PRKCE: variants seen among roughly 807,000 people sequenced by gnomAD.
The protein encoded by PRKCE is protein kinase C epsilon, also known as protein kinase C epsilon type.
In PRKCE, 16 loss-of-function variants were observed where a neutral mutation model predicts 85.4. The observed-to-expected ratio is 0.19, with a 90% CI of 0.13 to 0.28. PRKCE has a LOEUF of 0.28. PRKCE is among the 10% of genes least tolerant of loss of function. The pLI is 1.00. For missense variants in PRKCE, 573 were observed against 975.2 expected, an observed-to-expected ratio of 0.59 and a Z score of 5.49; for synonymous variants, 388 against 371.5, an observed-to-expected ratio of 1.04 and a Z score of -0.51.
intron 1 of PRKCE, among the ~76,000 whole-genome samples, chr2:45,804,532 G>A (rs1380087051): frequency 2.6e-5 from 4 of 152,200 alleles, no homozygotes; most frequent in Admixed American, 6.5e-5. Context: ...AGGTGCTGAA[G>A]TATGTGGGTA....
At chr2:45,762,866 C>A (rs1684619410) in intron 1 of PRKCE, among the ~76,000 whole-genome samples, 1 of 152,098 alleles carries the variant, frequency 6.6e-6, no homozygotes, top group Non-Finnish European at 1.5e-5. Context: ...CTGTAACAGG[C>A]AGAGTGGTCA....
chr2:45,686,422 A>G (rs1677303878), intron 1 of PRKCE: 1 of 152,242 alleles, frequency 6.6e-6, no homozygotes, highest in Non-Finnish European at 1.5e-5. Context: ...GCACTTGGAC[A>G]AAAGAGAAAA....
intron 6 of PRKCE, among the ~76,000 whole-genome samples, chr2:46,000,466 AAAAC>A (rs1053028033): frequency 1.3e-5 from 2 of 151,910 alleles, no homozygotes; most frequent in African/African-American, 4.8e-5. Flanking sequence ...ATAAAAAAAA[AAAAC>A]AACCCTCAAC....
At chr2:45,653,370 G>GTTTTTTTTTTTTTTTTTTTTTTTTT (rs34888247) in intron 1 of PRKCE, among the ~76,000 whole-genome samples, 5 of 61,482 alleles carry the variant, frequency 8.1e-5, no homozygotes, top group Non-Finnish European at 8.9e-5. Flanking sequence ...TTTTTGGGTT[G>GTTTTTTTTTTTTTTTTTTTTTTTTT]TTTTTTTTTT....
chr2:45,972,658 T>C (rs1395799382), intron 2 of PRKCE, among the ~76,000 whole-genome samples: 1 of 152,210 alleles, frequency 6.6e-6, no homozygotes, highest in Non-Finnish European at 1.5e-5. Flanking sequence ...AAGGTAAGGA[T>C]CCAGTTTCAT....
At position 46,055,732 on chromosome 2, in the gene PRKCE, C is replaced by T. The variant is rs561629634; in HGVS notation, c.1438-30476C>T. The stretch of plus-strand genomic sequence containing the variant: ...GGCTGGAATGCAGTGGCAAGATCAC[C>T]GCTCACTGTAGCCTCAACCACCTGG... On this transcript the variant is annotated intron_variant, in intron 10 of 14. Transcript: ENST00000306156. 2.2e-4 allele frequency among the ~76,000 whole-genome samples: 34 copies of T among 152,186 alleles called. 1 individual carries two copies. The highest frequency in any genetic ancestry group is 6.2e-4 in the South Asian group (3 of 4,818).
chr2:45,972,875 G>C (rs1361827562), intron 2 of PRKCE, among the ~76,000 whole-genome samples: 1 of 152,080 alleles, frequency 6.6e-6, no homozygotes, highest in Non-Finnish European at 1.5e-5. Context: ...AATTCTCAAA[G>C]GCATTTTTCA....
chr2:46,171,628 G>A (rs1048791420), intron 14 of PRKCE, among the ~76,000 whole-genome samples: 4 of 152,184 alleles, frequency 2.6e-5, no homozygotes, highest in Admixed American at 1.3e-4. Flanking sequence ...TAATGCCTCC[G>A]AGCCCATTTC....
chr2:45,964,825 T>C (rs1701625124), intron 2 of PRKCE, among the ~76,000 whole-genome samples: 1 of 152,222 alleles, frequency 6.6e-6, no homozygotes, highest in African/African-American at 2.4e-5. Flanking sequence ...CAGTTTACTC[T>C]AATGCTGCTG....
chr2:45,705,929 G>A (rs1455052122), intron 1 of PRKCE, among the ~76,000 whole-genome samples: 1 of 152,168 alleles, frequency 6.6e-6, no homozygotes, highest in East Asian at 1.9e-4. Context: ...GTGGAGTGGG[G>A]CCTTTTGTCA....
chr2:45,807,314 T>C (rs1194263996), intron 1 of PRKCE, among the ~76,000 whole-genome samples: 1 of 152,212 alleles, frequency 6.6e-6, no homozygotes, highest in Non-Finnish European at 1.5e-5. Flanking sequence ...CTTCTCACAC[T>C]TGGCATTTTT....
At chr2:45,848,704 A>C (rs1691997975) in intron 2 of PRKCE, among the ~76,000 whole-genome samples, 2 of 116,112 alleles carry the variant, frequency 1.7e-5, no homozygotes, top group African/African-American at 6.8e-5. Flanking sequence ...GGGAGATGGC[A>C]TTCACAAGAA....
chr2:45,844,364 C>G (rs1691606998), intron 2 of PRKCE, among the ~76,000 whole-genome samples: 2 of 152,200 alleles, frequency 1.3e-5, no homozygotes, highest in Non-Finnish European at 2.9e-5. Context: ...AACTTCCCTT[C>G]TCTGCTCTCA....
chr2:46,089,696 G>A (rs957610887), intron 11 of PRKCE, among the ~76,000 whole-genome samples: 12 of 148,746 alleles, frequency 8.1e-5, no homozygotes, highest in African/African-American at 2.6e-4. Context: ...CTCTCCACTT[G>A]CATGGGGAGC....
chr2:46,097,670 G>T (rs543367210), intron 11 of PRKCE, among the ~76,000 whole-genome samples: 1 of 152,310 alleles, frequency 6.6e-6, no homozygotes, highest in East Asian at 1.9e-4. Context: ...CTTTGGAAAT[G>T]TGCACTTTAG....
intron 2 of PRKCE, among the ~76,000 whole-genome samples, chr2:45,876,199 G>C (rs1694467018): frequency 6.6e-6 from 1 of 152,156 alleles, no homozygotes; most frequent in African/African-American, 2.4e-5. Flanking sequence ...TTGCCTAAGT[G>C]GTTTTAAATG....
intron 1 of PRKCE, among the ~76,000 whole-genome samples, chr2:45,806,036 C>T (rs1398093238): frequency 6.6e-6 from 1 of 152,218 alleles, no homozygotes; most frequent in Non-Finnish European, 1.5e-5. Context: ...TCCCCACTGT[C>T]TAACTCAATA....
At chr2:46,049,943 G>A (rs1708751847) in intron 10 of PRKCE, among the ~76,000 whole-genome samples, 1 of 152,216 alleles carries the variant, frequency 6.6e-6, no homozygotes, top group Non-Finnish European at 1.5e-5. Flanking sequence ...AGTCCTCTGA[G>A]AGGTACCCCC....
chr2:46,183,412 C>A (rs1268806166), intron 14 of PRKCE, among the ~76,000 whole-genome samples: 1 of 152,214 alleles, frequency 6.6e-6, no homozygotes, highest in Non-Finnish European at 1.5e-5. Flanking sequence ...ATTTCTCCTA[C>A]AAATAATAAT....
Sources: gnomAD v4.1 joint callset for allele counts (sites outside exome capture counted in the v4.1 genomes callset) on GRCh38, gnomAD v4.1.1 for gene constraint, MANE v1.5 for transcripts, NCBI Gene and HGNC (gene_info 2026-07-23, HGNC 2026-07-21) for gene names.